Variants in RERE observed in about 807,000 individuals in gnomAD.
The protein encoded by RERE is arginine-glutamic acid dipeptide repeats protein.
A neutral mutation model predicts 146.1 loss-of-function variants in RERE; 40 were observed. That is an observed-to-expected ratio of 0.27 (90% CI 0.21 to 0.36). The LOEUF (loss-of-function observed/expected upper bound fraction) is 0.36. Ranked by LOEUF, RERE falls within the 10% of genes least tolerant of loss-of-function variation. The pLI is 1.00. For missense variants in RERE, 1,933 were observed against 2,138.7 expected (o/e 0.90, Z 1.90); for synonymous variants, 1,003 against 866.0 (o/e 1.16, Z -2.78).
chr1:8,570,417 C>T (rs556924952), intron 4 of RERE, among the ~76,000 whole-genome samples: 2 of 152,074 alleles, frequency 1.3e-5, no homozygotes, highest in East Asian at 3.9e-4. Flanking sequence ...ACTACATGCT[C>T]GTGTTAACAT....
intron 10 of RERE, among the ~76,000 whole-genome samples, chr1:8,470,813 C>CT (rs71580028): frequency 0.17 from 12,201 of 73,500 alleles, 2,785 homozygotes; most frequent in Middle Eastern, 0.3. Flanking sequence ...AAAGAAATAC[C>CT]TTTTTTTTTT....
intron 1 of RERE, among the ~76,000 whole-genome samples, chr1:8,752,178 C>T (rs1222597554): frequency 1.3e-5 from 2 of 151,980 alleles, no homozygotes; most frequent in Admixed American, 6.6e-5. Context: ...TGTTCTTATA[C>T]ACCACATGCT....
chr1:8,436,813 T>C (rs1644176023), intron 11 of RERE, among the ~76,000 whole-genome samples: 1 of 152,370 alleles, frequency 6.6e-6, no homozygotes, highest in African/African-American at 2.4e-5. Flanking sequence ...TTTTTCTTCC[T>C]GCTCAGTCTT....
intron 1 of RERE, among the ~76,000 whole-genome samples, chr1:8,796,359 A>C (rs1362705700): frequency 6.6e-6 from 1 of 152,212 alleles, no homozygotes; most frequent in Non-Finnish European, 1.5e-5. Context: ...CCACTGACCC[A>C]AGTGTCAGTC....
At chr1:8,362,495 C>T (rs925131979) in intron 16 of RERE, among the ~76,000 whole-genome samples, 188 bp downstream of exon 16, 2 of 152,186 alleles carry the variant, frequency 1.3e-5, no homozygotes, top group Admixed American at 6.5e-5. Flanking sequence ...AGTTGGTGCT[C>T]GAGCCCCCTT....
chr1:8,485,211 A>C (rs1644883388), intron 10 of RERE, among the ~76,000 whole-genome samples: 1 of 152,112 alleles, frequency 6.6e-6, no homozygotes, highest in Non-Finnish European at 1.5e-5. Flanking sequence ...AGAATACAAA[A>C]TTCACTGGAC....
intron 1 of RERE, among the ~76,000 whole-genome samples, chr1:8,794,097 G>GA (rs1557546817): frequency 6.8e-6 from 1 of 148,086 alleles, no homozygotes; most frequent in Non-Finnish European, 1.5e-5. Flanking sequence ...TTTTGAGAGA[G>GA]AAAAAAATGG....
chr1:8,681,309 T>C, intron 1 of RERE, among the ~76,000 whole-genome samples: 1 of 152,196 alleles, frequency 6.6e-6, no homozygotes, highest in Non-Finnish European at 1.5e-5. Context: ...TATACTAAAT[T>C]ATGTATAATA....
chr1:8,557,497 G>C lies in RERE; in HGVS notation c.549C>G (p.Asn183Lys). The C allele has an allele frequency of 1.2e-6, 2 of 1,612,266 alleles. No homozygotes were observed. Among genetic ancestry groups the C allele is most frequent in the South Asian group, 1.1e-5 (1 of 91,006 alleles). Residue 183 changes from asparagine to lysine, a missense_variant, in exon 5 of 23, where the codon AAC becomes AAG. Around this residue, in one of 11 missense-constraint regions of RERE, gnomAD observed 74 missense variants for 99.6 expected, o/e 0.74. Transcript: ENST00000400908. Reference sequence around the variant, plus strand: ...CAGATTGACGGTAGTACCATTTGACGTTCATGAGGAGATGGTCCCTCTTAC... The same window carrying C: ...CAGATTGACGGTAGTACCATTTGACCTTCATGAGGAGATGGTCCCTCTTAC... ...VGSKRDHLLMNVKWYYRQSEV... is the reference protein window; with the variant it reads ...VGSKRDHLLMKVKWYYRQSEV...
At position 8,789,282 on chromosome 1, in the gene RERE, CAAAA is replaced by C. The variant is rs58993452; in HGVS notation, c.-145+27874_-145+27877del. Among the ~76,000 whole-genome samples the C allele has an allele frequency of 1.8e-4, 7 of 38,490 alleles. 1 individual carries two copies. Among genetic ancestry groups the C allele is most frequent in the South Asian group, 2.3e-3 (2 of 860 alleles). 25.3% of individuals were successfully genotyped at this position (38,490 alleles called of 152,430 possible). ...CAACACAGCAAGACCTCCTCTCTAC[CAAAA>C]AAAAAAAAAAAAAAAATATATATAT... is the stretch of plus-strand genomic sequence containing the variant. On this transcript the variant is annotated intron_variant, in intron 1 of 22. Coordinates refer to ENST00000400908, the MANE Select transcript of RERE (RefSeq NM_001042681.2).
chr1:8,525,918 A>C lies in RERE; in HGVS notation c.830+15296T>G. The C allele has an allele frequency of 3.6e-6, 5 of 1,394,648 alleles. No homozygotes were observed. In the South Asian group the frequency reaches 8.3e-5, roughly 23 times the overall value. The allele number at this position is 1,394,648 out of a possible 1,614,324, so 86.4% of individuals were successfully genotyped here. A position where few individuals can be genotyped will look rare whatever the true frequency, so the allele number is the denominator to read the frequency against. Reference sequence around the variant, plus strand: ...CAGAGACCTCATAGAGCTTTCACTGAGCTTGTGCTATGACCTAAGCCTTCA... The same window carrying C: ...CAGAGACCTCATAGAGCTTTCACTGCGCTTGTGCTATGACCTAAGCCTTCA... On this transcript the variant is annotated intron_variant, in intron 7 of 22. Transcript: ENST00000400908.
At chr1:8,578,026 G>T (rs955896533) in intron 4 of RERE, among the ~76,000 whole-genome samples, 2 of 152,036 alleles carry the variant, frequency 1.3e-5, no homozygotes, top group Non-Finnish European at 2.9e-5. Flanking sequence ...GGGAGGCAGA[G>T]GTTGCAGTGA....
intron 1 of RERE, among the ~76,000 whole-genome samples, chr1:8,733,183 G>A (rs1328877003): frequency 6.6e-6 from 1 of 152,120 alleles, no homozygotes; most frequent in Non-Finnish European, 1.5e-5. Flanking sequence ...AAAAGAGAGA[G>A]AGAGAGAGTG....
intron 7 of RERE, chr1:8,526,100 C>T: frequency 1.8e-6 from 2 of 1,100,212 alleles, no homozygotes; most frequent in Non-Finnish European, 2.2e-6. Flanking sequence ...TCTCCCTGCA[C>T]ACCAAGCTAG....
intron 10 of RERE, among the ~76,000 whole-genome samples, chr1:8,491,476 G>A (rs1644979265): frequency 6.6e-6 from 1 of 151,602 alleles, no homozygotes; most frequent in Non-Finnish European, 1.5e-5. Flanking sequence ...AAAAACAGCT[G>A]GGCATGGTAG....
chr1:8,722,249 C>G (rs1004429421), intron 1 of RERE, among the ~76,000 whole-genome samples: 91 of 152,232 alleles, frequency 6.0e-4, no homozygotes, highest in African/African-American at 2.1e-3. Context: ...CTTTGCTAAC[C>G]TAGCACCCAT....
chr1:8,664,599 TTTGTAGAGACAGGG>T lies in RERE; in HGVS notation c.-144-8172_-144-8159del, dbSNP rs1638530000. 2.6e-5 allele frequency among the ~76,000 whole-genome samples: 4 copies of T among 152,148 alleles called. No homozygotes were observed. The South Asian group carries it at 8.3e-4, about 32-fold the overall frequency. On this transcript the variant is annotated intron_variant, in intron 1 of 22. Coordinates refer to ENST00000400908, the MANE Select transcript of RERE (RefSeq NM_001042681.2). The stretch of plus-strand genomic sequence containing the variant: ...CATGCCTGGCTAATTTTTAAAATTT[TTTGTAGAGACAGGG>T]TCTCATTTTGTTGCCCAGGCTAGTC...
chr1:8,523,784 C>T (rs550731242), intron 7 of RERE, among the ~76,000 whole-genome samples: 12 of 152,186 alleles, frequency 7.9e-5, no homozygotes, highest in Non-Finnish European at 1.6e-4. Flanking sequence ...GGCATCCAAG[C>T]TCCATAAATA....
intron 1 of RERE, among the ~76,000 whole-genome samples, chr1:8,684,912 G>A (rs908486901): frequency 1.3e-5 from 2 of 152,180 alleles, no homozygotes; most frequent in Admixed American, 6.5e-5. Flanking sequence ...AGGCTGGAGT[G>A]CAGTGCACGA....
Sources: gnomAD v4.1 joint callset for allele counts (sites outside exome capture counted in the v4.1 genomes callset) on GRCh38, gnomAD v4.1.1 for gene constraint, gnomAD v4.1.1 regional missense constraint, MANE v1.5 for transcripts, NCBI Gene and HGNC (gene_info 2026-07-23, HGNC 2026-07-21) for gene names.